UPK1B: variants seen among roughly 807,000 people sequenced by gnomAD.
UPK1B encodes uroplakin-1b.
In UPK1B, 28 loss-of-function variants were observed where a neutral mutation model predicts 34.2. The ratio of observed to expected loss-of-function variants is 0.82; its 90% CI spans 0.61 to 1.12. The LOEUF (loss-of-function observed/expected upper bound fraction) is 1.12. UPK1B is among the 50% of genes most tolerant of loss of function. UPK1B has a pLI of 0.00. For synonymous variants in UPK1B, 81 were observed against 110.4 expected (o/e 0.73, Z 1.67); for missense variants, 325 against 320.9 (o/e 1.01, Z -0.10).
chr3:119,199,674 A>G (rs2078082975), intron 7 of UPK1B, among the ~76,000 whole-genome samples: 1 of 152,190 alleles, frequency 6.6e-6, no homozygotes, highest in Non-Finnish European at 1.5e-5. Context: ...AACTTTTTTT[A>G]AAAATTGCTT....
chr3:119,190,007 A>C (rs1371060364), intron 3 of UPK1B, among the ~76,000 whole-genome samples: 2 of 152,220 alleles, frequency 1.3e-5, no homozygotes, highest in African/African-American at 4.8e-5. Context: ...GAAACTCAGG[A>C]AACTGGACTG....
intron 7 of UPK1B, among the ~76,000 whole-genome samples, chr3:119,200,960 G>T (rs565673674): frequency 6.6e-6 from 1 of 152,262 alleles, no homozygotes; most frequent in East Asian, 1.9e-4. Context: ...TTAAAAAGAT[G>T]TGTACTCAAA....
At chr3:119,175,835 C>A (rs975783411) in intron 1 of UPK1B, among the ~76,000 whole-genome samples, 2 of 152,170 alleles carry the variant, frequency 1.3e-5, no homozygotes, top group Non-Finnish European at 2.9e-5. Flanking sequence ...CTGATTTTTA[C>A]TTTTATTTAA....
intron 3 of UPK1B, among the ~76,000 whole-genome samples, chr3:119,189,058 A>G (rs1204896441): frequency 6.6e-6 from 1 of 152,182 alleles, no homozygotes; most frequent in African/African-American, 2.4e-5. Context: ...CTTGCATCCC[A>G]GCCTCACTTT....
intron 6 of UPK1B, 68 bp from the exon 7 acceptor site, chr3:119,198,989 T>A: frequency 6.4e-7 from 1 of 1,567,076 alleles, no homozygotes; most frequent in South Asian, 1.1e-5. Context: ...AGGAACCTGC[T>A]TTCCCATCAA....
At chr3:119,196,276 C>T (rs1410885135) in intron 6 of UPK1B, among the ~76,000 whole-genome samples, 1 of 152,092 alleles carries the variant, frequency 6.6e-6, no homozygotes, top group Non-Finnish European at 1.5e-5. Context: ...CTTGCTAAGT[C>T]CCCTCTTGCC....
rs750167457 is a variant in UPK1B at position 119,190,283 on chromosome 3, G to T, written c.309G>T (p.Val103=). 7 of 1,611,866 alleles carry T rather than the reference G, an allele frequency of 4.3e-6. No homozygotes were observed. The South Asian group carries it at 6.6e-5, about 15-fold the overall frequency. Residue 103 remains valine (V), a synonymous_variant, in exon 4 of 8, where the codon GTG becomes GTT. Transcript: ENST00000264234. Reference sequence around the variant, plus strand: ...TGTTTATAGTATATGCCTTTGAAGTGGCATCTTGTATCACAGCAGCAACAC... The same window carrying T: ...TGTTTATAGTATATGCCTTTGAAGTTGCATCTTGTATCACAGCAGCAACAC... ...ILMFIVYAFE[V]ASCITAATQQ... is the part of the protein sequence containing the mutation.
chr3:119,179,758 C>T (rs1218000119), intron 1 of UPK1B, among the ~76,000 whole-genome samples: 20 of 146,110 alleles, frequency 1.4e-4, no homozygotes, highest in African/African-American at 3.5e-4. Flanking sequence ...CCACCCGCCT[C>T]GGCCTCCCAG....
intron 5 of UPK1B, among the ~76,000 whole-genome samples, chr3:119,193,026 A>G (rs2078051084): frequency 6.7e-6 from 1 of 150,166 alleles, no homozygotes; most frequent in African/African-American, 2.5e-5. Context: ...CAACCCTGCC[A>G]TAATTACCAA....
intron 1 of UPK1B, among the ~76,000 whole-genome samples, chr3:119,183,578 A>G (rs2077999496): frequency 1.3e-5 from 2 of 152,108 alleles, no homozygotes; most frequent in Non-Finnish European, 2.9e-5. Flanking sequence ...CTTTATACAA[A>G]CAATGGCAAG....
chr3:119,174,240 G>A (rs751425818), intron 1 of UPK1B, among the ~76,000 whole-genome samples: 2 of 152,150 alleles, frequency 1.3e-5, no homozygotes, highest in Non-Finnish European at 2.9e-5. Context: ...CAACAAAGTA[G>A]CTTTATCTAC....
intron 7 of UPK1B, among the ~76,000 whole-genome samples, chr3:119,199,770 G>A (rs1198654723): frequency 1.3e-5 from 2 of 152,108 alleles, no homozygotes; most frequent in East Asian, 3.9e-4. Context: ...CTGCTGTCAG[G>A]GTTGACAACC....
In UPK1B at chr3:119,195,641, G is replaced by A. The variant is rs550786150; in HGVS notation, c.648+1243G>A. ...AGGTGTACAATATAATTATTCTCAG[G>A]ACTATAAAAGGCTTTTGATATTTCA... is the stretch of plus-strand genomic sequence containing the variant. On this transcript the variant is annotated intron_variant, in intron 6 of 7. Transcript: ENST00000264234. Among the ~76,000 whole-genome samples the A allele has an allele frequency of 8.5e-5, 13 of 152,252 alleles. No homozygotes were observed. In the East Asian group the frequency reaches 2.5e-3, roughly 29 times the overall value.
chr3:119,203,854 C>G (rs1248231485), intron 7 of UPK1B, 63 bp from the exon 8 acceptor site: 4 of 1,542,038 alleles, frequency 2.6e-6, no homozygotes, highest in Non-Finnish European at 3.6e-6. Context: ...TCCACTTTTT[C>G]CAAGAATGAG....
chr3:119,185,983 C>T lies in UPK1B; in HGVS notation c.-28-731C>T, dbSNP rs116550266. On this transcript the variant is annotated intron_variant, in intron 1 of 7. Coordinates refer to ENST00000264234, the MANE Select transcript of UPK1B (RefSeq NM_006952.4). ...ACACACCAAGGTCTCTAGCCTAGCT[C>T]TGCCACTTACTGGTTGTGTGACCCC... is the stretch of plus-strand genomic sequence containing the variant. Among the ~76,000 whole-genome samples, 576 of 152,332 alleles carry T rather than the reference C, an allele frequency of 3.8e-3. 6 individuals carry two copies. The highest frequency in any genetic ancestry group is 0.012 in the African/African-American group (481 of 41,578).
At chr3:119,182,818 C>T (rs887923526) in intron 1 of UPK1B, among the ~76,000 whole-genome samples, 1 of 152,192 alleles carries the variant, frequency 6.6e-6, no homozygotes, top group African/African-American at 2.4e-5. Context: ...CTATGAAATG[C>T]TAACCTCTCA....
chr3:119,179,392 T>G (rs1483073553), intron 1 of UPK1B, among the ~76,000 whole-genome samples: 1 of 93,198 alleles, frequency 1.1e-5, no homozygotes, highest in African/African-American at 5.2e-5. Context: ...TATATATATA[T>G]ATATATTAAT....
intron 1 of UPK1B, among the ~76,000 whole-genome samples, chr3:119,185,455 C>T (rs1323930515): frequency 6.6e-6 from 1 of 152,112 alleles, no homozygotes; most frequent in East Asian, 1.9e-4. Flanking sequence ...TTTCCTTTCT[C>T]TTTACCTGGA....
At chr3:119,183,114 T>A (rs977690872) in intron 1 of UPK1B, among the ~76,000 whole-genome samples, 13 of 152,214 alleles carry the variant, frequency 8.5e-5, no homozygotes, top group Middle Eastern at 3.2e-3. Flanking sequence ...TTTCTATTTC[T>A]ACTGAAAGCA....
Sources: gnomAD v4.1 joint callset for allele counts (sites outside exome capture counted in the v4.1 genomes callset) on GRCh38, gnomAD v4.1.1 for gene constraint, MANE v1.5 for transcripts, NCBI Gene and HGNC (gene_info 2026-07-23, HGNC 2026-07-21) for gene names.